PSD3: variants seen among roughly 807,000 people sequenced by gnomAD.
PSD3 encodes the protein pleckstrin and Sec7 domain containing 3.
Under a neutral mutation model 105.5 loss-of-function variants are expected in PSD3, and 49 were observed. The ratio of observed to expected loss-of-function variants is 0.46; its 90% CI spans 0.37 to 0.59. The LOEUF is 0.59. Among genes scored for constraint, PSD3 ranks in the 20% least tolerant of loss-of-function variants. The pLI is 0.00. For missense variants in PSD3, 1,561 were observed against 1,263.8 expected (o/e 1.24, Z -3.57); for synonymous variants, 557 against 457.8 (o/e 1.22, Z -2.77).
chr8:18,583,167 G>A (rs1480920322), intron 12 of PSD3, among the ~76,000 whole-genome samples: 1 of 152,114 alleles, frequency 6.6e-6, no homozygotes, highest in Non-Finnish European at 1.5e-5. Context: ...TGCTGTGCAT[G>A]GTGGCTCACA....
At chr8:18,581,029 C>A (rs979202157) in intron 12 of PSD3, among the ~76,000 whole-genome samples, 6 of 152,268 alleles carry the variant, frequency 3.9e-5, no homozygotes, top group African/African-American at 1.4e-4. Flanking sequence ...CTGGCAGGGA[C>A]AGACACAAAG....
intron 11 of PSD3, among the ~76,000 whole-genome samples, chr8:18,614,818 T>C (rs965821193): frequency 1.3e-5 from 2 of 150,298 alleles, no homozygotes; most frequent in African/African-American, 2.5e-5. Flanking sequence ...TTTGTTTTCA[T>C]AGACACGGGG....
At chr8:18,802,338 T>C (rs1810770387) in intron 6 of PSD3, 1 of 435,778 alleles carries the variant, frequency 2.3e-6, no homozygotes, top group Non-Finnish European at 4.6e-6. Context: ...CACTTGACAA[T>C]GTAGATTCAT....
chr8:18,896,190 TACC>T (rs1250327635), intron 2 of PSD3, among the ~76,000 whole-genome samples: 1 of 152,264 alleles, frequency 6.6e-6, no homozygotes, highest in African/African-American at 2.4e-5. Context: ...TGTGTGTATA[TACC>T]ACATTTTCTT....
At chr8:18,946,558 G>C (rs1227041534) in intron 1 of PSD3, among the ~76,000 whole-genome samples, 1 of 86,344 alleles carries the variant, frequency 1.2e-5, no homozygotes, top group Non-Finnish European at 2.7e-5. Context: ...TCCAGCCTGG[G>C]CATGGAACAA....
intron 2 of PSD3, among the ~76,000 whole-genome samples, chr8:18,909,914 G>A (rs887937072): frequency 3.9e-5 from 6 of 152,210 alleles, no homozygotes; most frequent in African/African-American, 1.4e-4. Context: ...TCCGCTGGGA[G>A]GCAGGGGCTT....
At chr8:18,538,900 A>T (rs1398757042) in intron 15 of PSD3, among the ~76,000 whole-genome samples, 2 of 152,220 alleles carry the variant, frequency 1.3e-5, no homozygotes, top group Non-Finnish European at 2.9e-5. Context: ...AGAAGTAAAG[A>T]CAAAGCAGAA....
intron 10 of PSD3, among the ~76,000 whole-genome samples, chr8:18,642,244 C>T (rs1397816255): frequency 6.6e-6 from 1 of 151,954 alleles, no homozygotes; most frequent in Non-Finnish European, 1.5e-5. Context: ...TTAGGTATTC[C>T]CAAAAGATCT....
rs1554515387 is a variant in PSD3 at position 18,828,068 on chromosome 8, T to TATATATATATA, written c.1635-23171_1635-23170insTATATATATAT. Among the ~76,000 whole-genome samples the TATATATATATA allele has an allele frequency of 3.0e-3, 254 of 83,290 alleles. 1 individual carries two copies. The highest frequency in any genetic ancestry group is 0.012 in the African/African-American group (219 of 17,642). The allele number at this position is 83,290 out of a possible 152,430, so 54.6% of individuals were successfully genotyped here. A position where few individuals can be genotyped will look rare whatever the true frequency, so the allele number is the denominator to read the frequency against. ...ATATGTATATATATATATATATATATTTTTTTTTTTTTACAAAAAAAATGA... is the reference window on the plus strand; with the variant it reads ...ATATGTATATATATATATATATATATATATATATATATTTTTTTTTTTTACAAAAAAAATGA... On this transcript the variant is annotated intron_variant, in intron 4 of 15. Coordinates refer to ENST00000327040, the MANE Select transcript of PSD3 (RefSeq NM_015310.4).
At chr8:18,824,661 T>A (rs1813030630) in intron 4 of PSD3, among the ~76,000 whole-genome samples, 1 of 152,234 alleles carries the variant, frequency 6.6e-6, no homozygotes, top group Non-Finnish European at 1.5e-5. Context: ...GGCTAAGGCA[T>A]ACACTTTATT....
chr8:18,722,614 A>T (rs1563199590), intron 9 of PSD3, among the ~76,000 whole-genome samples: 1 of 152,228 alleles, frequency 6.6e-6, no homozygotes, highest in African/African-American at 2.4e-5. Flanking sequence ...AAATGTATCT[A>T]AATATAATCA....
intron 9 of PSD3, among the ~76,000 whole-genome samples, chr8:18,726,386 T>C (rs939116099): frequency 1.6e-4 from 24 of 152,208 alleles, no homozygotes; most frequent in African/African-American, 5.3e-4. Context: ...AAAAGGAACA[T>C]AGCTGCTTAA....
chr8:18,743,536 A>C (rs1163831114), intron 9 of PSD3, among the ~76,000 whole-genome samples: 1 of 152,142 alleles, frequency 6.6e-6, no homozygotes, highest in African/African-American at 2.4e-5. Context: ...ATGGGGGAAA[A>C]GTCTCTTCCC....
At chr8:19,018,366 A>AAT (rs948325462), upstream of PSD3, among the ~76,000 whole-genome samples, 15 of 152,236 alleles carry the variant, frequency 9.9e-5, no homozygotes, top group African/African-American at 3.6e-4. Flanking sequence ...TTTTAAAAAA[A>AAT]AAAAATGAGG....
At chr8:18,552,849 T>G (rs1194144695) in intron 15 of PSD3, among the ~76,000 whole-genome samples, 1 of 152,170 alleles carries the variant, frequency 6.6e-6, no homozygotes, top group Non-Finnish European at 1.5e-5. Context: ...TAGAGTTAAG[T>G]CAATGAAGAG....
At chr8:18,701,070 A>G (rs1411532511) in intron 9 of PSD3, among the ~76,000 whole-genome samples, 1 of 151,756 alleles carries the variant, frequency 6.6e-6, no homozygotes, top group South Asian at 2.1e-4. Context: ...GGCTTAAGCA[A>G]TCCTCTCACC....
chr8:18,570,620 T>C lies in PSD3; in HGVS notation c.2784+1908A>G, dbSNP rs1239379177. Among the ~76,000 whole-genome samples the C allele has an allele frequency of 3.5e-5, 5 of 144,392 alleles. No homozygotes were observed. In the Admixed American group the frequency reaches 3.5e-4, roughly 10 times the overall value. The allele number at this position is 144,392 out of a possible 152,430, so 94.7% of individuals were successfully genotyped here. ...GAATCTACAATGAATTCAAACAAAT[T>C]TACAAGAAAAAAACAAACAACCCCA... On this transcript the variant is annotated intron_variant, in intron 14 of 15. Transcript: ENST00000327040.
chr8:18,801,291 G>A lies in PSD3; in HGVS notation c.2002C>T (p.Pro668Ser). 1 of 1,592,232 alleles carries A rather than the reference G, an allele frequency of 6.3e-7. No homozygotes were observed. The highest frequency in any genetic ancestry group is 8.6e-7 in the Non-Finnish European group (1 of 1,162,868). Reference protein sequence around the residue: ...HFSNRYFYCNPDTIASQDGVH... With the variant: ...HFSNRYFYCNSDTIASQDGVH... ...TTACCTTGTGAAGCAATGGTATCTG[G>A]GTTACAATAAAAATATCTATTGGAG... The change falls in exon 7 of 16, where the codon CCA becomes TCA. Residue 668 changes from proline to serine, a missense_variant. Pro to Ser is a moderately conservative substitution (Grantham distance 74, BLOSUM62 -1). Coordinates refer to ENST00000327040, the MANE Select transcript of PSD3 (RefSeq NM_015310.4).
chr8:18,858,011 T>A (rs551879446), intron 4 of PSD3, among the ~76,000 whole-genome samples: 14 of 152,292 alleles, frequency 9.2e-5, no homozygotes, highest in African/African-American at 3.1e-4. Flanking sequence ...CTCATTAGCA[T>A]TCATGAGAAA....
Sources: gnomAD v4.1 joint callset for allele counts (sites outside exome capture counted in the v4.1 genomes callset) on GRCh38, gnomAD v4.1.1 for gene constraint, MANE v1.5 for transcripts, NCBI Gene and HGNC (gene_info 2026-07-23, HGNC 2026-07-21) for gene names.